The following GABRB1 variants were observed in gnomAD, a reference collection of about 807,000 sequenced individuals.
GABRB1 encodes gamma-aminobutyric acid type A receptor subunit beta1.
Under a neutral mutation model 51.6 loss-of-function variants are expected in GABRB1, and 17 were observed. That is an observed-to-expected ratio of 0.33 (90% CI 0.23 to 0.49). The LOEUF (loss-of-function observed/expected upper bound fraction) is 0.49. GABRB1 is among the 20% of genes least tolerant of loss of function. GABRB1 has a pLI of 0.99. For missense variants in GABRB1, 410 were observed against 600.6 expected, an observed-to-expected ratio of 0.68 and a Z score of 3.32; for synonymous variants, 247 against 218.9, an observed-to-expected ratio of 1.13 and a Z score of -1.14.
intron 4 of GABRB1, among the ~76,000 whole-genome samples, chr4:47,211,455 G>A (rs566137509): frequency 3.9e-5 from 6 of 152,140 alleles, no homozygotes. Context: ...AGATGTTTCT[G>A]TCAGGAGACA....
chr4:47,261,176 C>G (rs1484788878), intron 4 of GABRB1, among the ~76,000 whole-genome samples: 1 of 152,154 alleles, frequency 6.6e-6, no homozygotes, highest in Non-Finnish European at 1.5e-5. Context: ...TCCTATTCCA[C>G]ATAGAGTTGG....
chr4:47,183,856 C>T (rs1016139165), intron 4 of GABRB1, among the ~76,000 whole-genome samples: 2 of 151,838 alleles, frequency 1.3e-5, no homozygotes, highest in African/African-American at 4.8e-5. Flanking sequence ...ATTTCATTGA[C>T]CTCCAGCTTC....
At chr4:47,188,509 A>G (rs1385289059) in intron 4 of GABRB1, among the ~76,000 whole-genome samples, 2 of 151,988 alleles carry the variant, frequency 1.3e-5, no homozygotes, top group Non-Finnish European at 2.9e-5. Flanking sequence ...ACTGCAATCA[A>G]TAGTCCCCTC....
intron 1 of GABRB1, among the ~76,000 whole-genome samples, chr4:47,021,007 T>G (rs930881703): frequency 3.3e-5 from 5 of 152,204 alleles, no homozygotes; most frequent in Non-Finnish European, 7.3e-5. Flanking sequence ...TGTCAACATA[T>G]TTACAAGGCT....
chr4:47,408,587 A>C (rs1195301138), intron 8 of GABRB1, among the ~76,000 whole-genome samples: 1 of 152,204 alleles, frequency 6.6e-6, no homozygotes, highest in Non-Finnish European at 1.5e-5. Context: ...AGTAGACAAG[A>C]TATTTGCCCT....
chr4:47,288,385 C>T (rs1723595386), intron 4 of GABRB1, among the ~76,000 whole-genome samples: 1 of 152,034 alleles, frequency 6.6e-6, no homozygotes, highest in Non-Finnish European at 1.5e-5. Context: ...GCCTCAGCCT[C>T]CCAAGTAGCT....
In GABRB1 at chr4:47,406,836, C is replaced by T; in HGVS notation, c.990C>T (p.Ile330=). 2.5e-6 allele frequency: 4 copies of T among 1,614,088 alleles called. No homozygotes were observed. Among genetic ancestry groups the T allele is most frequent in the Non-Finnish European group, 3.4e-6 (4 of 1,179,992 alleles). ...ALLEYAFVNY[I]FFGKGPQKKG... ...TGGAGTATGCCTTTGTAAATTACAT[C>T]TTCTTTGGGAAAGGCCCTCAGAAAA... Residue 330 remains isoleucine (I), a synonymous_variant, in exon 8 of 9, where the codon ATC becomes ATT. Transcript: ENST00000295454.
chr4:47,287,705 A>T (rs1436290912), intron 4 of GABRB1, among the ~76,000 whole-genome samples: 1 of 152,194 alleles, frequency 6.6e-6, no homozygotes, highest in Non-Finnish European at 1.5e-5. Context: ...ATACAATGTC[A>T]TGTCTCGATC....
chr4:47,019,935 C>CGTATAT (rs1176301082), intron 1 of GABRB1, among the ~76,000 whole-genome samples: 91 of 135,566 alleles, frequency 6.7e-4, no homozygotes, highest in Middle Eastern at 3.6e-3. Context: ...TATATGTATA[C>CGTATAT]GTATATGTAT....
intron 3 of GABRB1, among the ~76,000 whole-genome samples, chr4:47,120,547 C>G (rs1190720748): frequency 6.6e-6 from 1 of 152,158 alleles, no homozygotes; most frequent in Admixed American, 6.5e-5. Flanking sequence ...GATGGAGTCT[C>G]TCCTCATAAT....
chr4:47,404,604 C>T (rs1241024657), intron 7 of GABRB1, among the ~76,000 whole-genome samples: 1 of 152,012 alleles, frequency 6.6e-6, no homozygotes, highest in Non-Finnish European at 1.5e-5. Flanking sequence ...GATCAGCATA[C>T]CCGTTCACAG....
At chr4:47,415,558 G>A (rs1728887916) in intron 8 of GABRB1, among the ~76,000 whole-genome samples, 3 of 152,132 alleles carry the variant, frequency 2.0e-5, no homozygotes, top group African/African-American at 7.2e-5. Context: ...GATGGAAAAT[G>A]CTAAATGCCT....
chr4:47,232,798 T>C (rs765893517), intron 4 of GABRB1, among the ~76,000 whole-genome samples: 26 of 152,034 alleles, frequency 1.7e-4, no homozygotes, highest in Non-Finnish European at 3.1e-4. Context: ...AGAGTCTACT[T>C]CAAAAATGAT....
At chr4:47,288,311 G>A (rs1723592413) in intron 4 of GABRB1, among the ~76,000 whole-genome samples, 1 of 151,740 alleles carries the variant, frequency 6.6e-6, no homozygotes, top group African/African-American at 2.4e-5. Context: ...CGCCCAGGCT[G>A]GAGTGCAGTG....
At chr4:47,195,846 T>C (rs554576191) in intron 4 of GABRB1, among the ~76,000 whole-genome samples, 44 of 152,340 alleles carry the variant, frequency 2.9e-4, no homozygotes, top group African/African-American at 1.0e-3. Flanking sequence ...TTAAACACTT[T>C]AGATACTTTG....
intron 3 of GABRB1, among the ~76,000 whole-genome samples, chr4:47,118,351 G>A (rs979541858): frequency 5.9e-5 from 9 of 152,088 alleles, no homozygotes; most frequent in African/African-American, 2.2e-4. Flanking sequence ...GAAATTCTCT[G>A]ACTAGAATGA....
chr4:47,155,274 G>A (rs558463361), intron 3 of GABRB1, among the ~76,000 whole-genome samples: 2 of 152,172 alleles, frequency 1.3e-5, no homozygotes, highest in East Asian at 3.9e-4. Context: ...TTTACGAAGG[G>A]CAGATCTCAG....
At chr4:47,187,238 A>G (rs2109778018) in intron 4 of GABRB1, among the ~76,000 whole-genome samples, 1 of 152,050 alleles carries the variant, frequency 6.6e-6, no homozygotes, top group South Asian at 2.1e-4. Flanking sequence ...CAAAGATGGG[A>G]CATGAGTCCA....
chr4:47,159,506 G>T (rs1363042793), intron 3 of GABRB1, among the ~76,000 whole-genome samples: 1 of 47,840 alleles, frequency 2.1e-5, no homozygotes, highest in Non-Finnish European at 3.9e-5. Flanking sequence ...TAGCCTGAGG[G>T]TTATTTTTTT....
Sources: allele counts gnomAD v4.1 joint callset (sites outside exome capture counted in the v4.1 genomes callset), GRCh38; gene constraint gnomAD v4.1.1; transcripts MANE v1.5; gene names NCBI Gene and HGNC (gene_info 2026-07-23, HGNC 2026-07-21).